ST8SIA4: variants seen among roughly 807,000 people sequenced by gnomAD.
The protein encoded by ST8SIA4 is ST8 alpha-N-acetyl-neuraminide alpha-2,8-sialyltransferase 4, also known as CMP-N-acetylneuraminate-poly-alpha-2,8-sialyltransferase.
ST8SIA4 carries 15 observed loss-of-function variants against 33.9 expected under a neutral mutation model. The observed-to-expected ratio is 0.44, with a 90% confidence interval of 0.30 to 0.68. The LOEUF is 0.68. ST8SIA4 is among the 30% of genes least tolerant of loss of function. ST8SIA4 has a pLI of 0.10. For missense variants in ST8SIA4, 321 were observed against 428.0 expected, an observed-to-expected ratio of 0.75 and a Z score of 2.21; for synonymous variants, 171 against 151.2, an observed-to-expected ratio of 1.13 and a Z score of -0.96.
At position 100,886,529 on chromosome 5, in the gene ST8SIA4, T is replaced by C; in HGVS notation, c.317A>G (p.Asp106Gly). 1 of 1,613,874 alleles carries C rather than the reference T, an allele frequency of 6.2e-7. No individual in the cohort carries two copies. The highest frequency in any genetic ancestry group is 1.1e-5 in the South Asian group (1 of 91,080). ...SVVKSSFKPG[D>G]VIHYVLDRRR... The stretch of plus-strand genomic sequence containing the variant: ...CCTGTCAAGCACATAGTGTATGACA[T>C]CACCAGGCTTAAAACTGCTCTTGAC... The change falls in exon 3 of 5, where the codon GAT becomes GGT. Residue 106 changes from aspartate to glycine, a missense_variant. By Grantham distance (94) the Asp-to-Gly change is moderately conservative. Transcript: ENST00000231461.
intron 2 of ST8SIA4, among the ~76,000 whole-genome samples, chr5:100,888,874 C>T (rs1193789513): frequency 6.6e-6 from 1 of 151,808 alleles, no homozygotes; most frequent in Non-Finnish European, 1.5e-5. Flanking sequence ...ATATGTCCAC[C>T]AGCTAGTTGA....
At chr5:100,813,495 GACGA>G (rs1750853668) in intron 4 of ST8SIA4, among the ~76,000 whole-genome samples, 1 of 151,970 alleles carries the variant, frequency 6.6e-6, no homozygotes, top group Admixed American at 6.6e-5. Flanking sequence ...TCTCAGTAAA[GACGA>G]TTTTATAAGA....
intron 2 of ST8SIA4, among the ~76,000 whole-genome samples, chr5:100,893,831 T>C (rs1437845039): frequency 6.6e-6 from 1 of 152,186 alleles, no homozygotes; most frequent in Non-Finnish European, 1.5e-5. Flanking sequence ...ACCAGATCTC[T>C]ATAGCCTTAA....
At chr5:100,819,191 C>T (rs1750989343) in intron 4 of ST8SIA4, among the ~76,000 whole-genome samples, 1 of 152,090 alleles carries the variant, frequency 6.6e-6, no homozygotes, top group Non-Finnish European at 1.5e-5. Flanking sequence ...AATAGCTTAT[C>T]CAGTTTTACT....
chr5:100,871,878 T>TA (rs1212242112), intron 3 of ST8SIA4, among the ~76,000 whole-genome samples: 2 of 152,114 alleles, frequency 1.3e-5, no homozygotes, highest in African/African-American at 2.4e-5. Flanking sequence ...GGTTGTCTAA[T>TA]ATTACATTTA....
At chr5:100,855,174 T>G (rs191993218) in intron 4 of ST8SIA4, among the ~76,000 whole-genome samples, 175 of 152,292 alleles carry the variant, frequency 1.1e-3, no homozygotes, top group African/African-American at 3.6e-3. Context: ...CAGCATTTCC[T>G]TCTGTTTGGT....
intron 3 of ST8SIA4, among the ~76,000 whole-genome samples, chr5:100,861,550 G>A (rs753892171): frequency 2.9e-4 from 44 of 152,050 alleles, no homozygotes; most frequent in Middle Eastern, 3.4e-3. Context: ...ATTTGGGAGG[G>A]GAGAAAAAGG....
intron 4 of ST8SIA4, chr5:100,849,498 C>T: frequency 2.0e-6 from 2 of 981,180 alleles, no homozygotes; most frequent in African/African-American, 1.8e-5. Flanking sequence ...AGAAACACTG[C>T]TGGCTGAGCG....
intron 4 of ST8SIA4, among the ~76,000 whole-genome samples, chr5:100,818,104 A>T (rs1580447564): frequency 2.6e-5 from 4 of 152,338 alleles, no homozygotes; most frequent in Admixed American, 2.6e-4. Context: ...ATAAATAATC[A>T]GTTGAAGGTC....
intron 3 of ST8SIA4, among the ~76,000 whole-genome samples, chr5:100,864,390 T>G (rs1752016472): frequency 6.6e-6 from 1 of 151,418 alleles, no homozygotes; most frequent in South Asian, 2.1e-4. Flanking sequence ...CTGGCTAACA[T>G]GGTGAAACCC....
At chr5:100,813,450 CTCTT>C (rs1285607095) in intron 4 of ST8SIA4, among the ~76,000 whole-genome samples, 1 of 152,002 alleles carries the variant, frequency 6.6e-6, no homozygotes, top group Non-Finnish European at 1.5e-5. Context: ...GTGTTATGAA[CTCTT>C]TATTATCACA....
At chr5:100,820,142 G>T (rs1261567755) in intron 4 of ST8SIA4, among the ~76,000 whole-genome samples, 1 of 152,070 alleles carries the variant, frequency 6.6e-6, no homozygotes, top group Non-Finnish European at 1.5e-5. Context: ...ACAAAATGAG[G>T]ATCTTAATAT....
intron 1 of ST8SIA4, 70 bp downstream of exon 1, chr5:100,902,773 A>C: frequency 7.8e-7 from 1 of 1,281,590 alleles, no homozygotes; most frequent in Non-Finnish European, 1.1e-6. Context: ...CCATCACTCT[A>C]CCCTCTATAT....
At chr5:100,849,510 G>C (rs978195451) in intron 4 of ST8SIA4, 56 of 961,886 alleles carry the variant, frequency 5.8e-5, no homozygotes, top group Non-Finnish European at 6.6e-5. Context: ...GGCTGAGCGC[G>C]GTGGCTCACG....
chr5:100,887,354 A>AT (rs970101894), intron 2 of ST8SIA4, among the ~76,000 whole-genome samples: 80 of 152,184 alleles, frequency 5.3e-4, no homozygotes, highest in African/African-American at 1.9e-3. Context: ...CAGCTAGAAT[A>AT]TTTGCAAGTC....
At chr5:100,818,646 C>T (rs1235666432) in intron 4 of ST8SIA4, among the ~76,000 whole-genome samples, 6 of 151,682 alleles carry the variant, frequency 4.0e-5, no homozygotes, top group African/African-American at 1.5e-4. Context: ...TTCTATGTGC[C>T]CTTTGTATTC....
intron 4 of ST8SIA4, among the ~76,000 whole-genome samples, chr5:100,816,172 C>A (rs1750912026): frequency 6.6e-6 from 1 of 152,214 alleles, no homozygotes; most frequent in Non-Finnish European, 1.5e-5. Flanking sequence ...TTCCTTGTCT[C>A]CTTCCTCCTC....
chr5:100,901,187 G>C (rs765171959), intron 1 of ST8SIA4, among the ~76,000 whole-genome samples: 5 of 152,200 alleles, frequency 3.3e-5, no homozygotes, highest in Non-Finnish European at 7.3e-5. Flanking sequence ...TCCTGGCCAC[G>C]GTTTAGGGAG....
intron 4 of ST8SIA4, among the ~76,000 whole-genome samples, chr5:100,840,791 A>T (rs1232139331): frequency 6.6e-6 from 1 of 151,772 alleles, no homozygotes. Context: ...ATATAAGAAA[A>T]AAAAAAAGTC....
Sources: gnomAD v4.1 joint callset for allele counts (sites outside exome capture counted in the v4.1 genomes callset) on GRCh38, gnomAD v4.1.1 for gene constraint, MANE v1.5 for transcripts, NCBI Gene and HGNC (gene_info 2026-07-23, HGNC 2026-07-21) for gene names.